SNAP23: variants seen among roughly 807,000 people sequenced by gnomAD.
The protein encoded by SNAP23 is synaptosome associated protein 23, also known as synaptosomal-associated protein 23.
SNAP23 carries 11 observed loss-of-function variants against 29.0 expected under a neutral mutation model. The ratio of observed to expected loss-of-function variants is 0.38; its 90% CI spans 0.24 to 0.63. The LOEUF (loss-of-function observed/expected upper bound fraction) is 0.63, where lower values mean the gene tolerates loss of function less well. SNAP23 is among the 20% of genes least tolerant of loss of function. The pLI, the probability that SNAP23 is intolerant of heterozygous loss-of-function variation, is 0.58. For missense variants in SNAP23, 220 were observed against 253.9 expected (o/e 0.87, Z 0.91); for synonymous variants, 60 against 82.9 (o/e 0.72, Z 1.50).
At chr15:42,514,103 C>G (rs2141528481) in intron 4 of SNAP23, among the ~76,000 whole-genome samples, 1 of 151,066 alleles carries the variant, frequency 6.6e-6, no homozygotes, top group East Asian at 1.9e-4. Flanking sequence ...GTGTGAGCCA[C>G]CGTGCCGGGC....
chr15:42,497,596 T>G (rs1379765871), intron 1 of SNAP23, among the ~76,000 whole-genome samples: 1 of 151,858 alleles, frequency 6.6e-6, no homozygotes, highest in Non-Finnish European at 1.5e-5. Context: ...ACCCACCTCA[T>G]CTTCCCAAGG....
intron 1 of SNAP23, among the ~76,000 whole-genome samples, chr15:42,496,312 CAT>C (rs1440717938): frequency 6.6e-6 from 1 of 151,950 alleles, no homozygotes; most frequent in Non-Finnish European, 1.5e-5. Context: ...AACGTAAAGA[CAT>C]AAAAGTGGGA....
intron 1 of SNAP23, among the ~76,000 whole-genome samples, chr15:42,498,190 C>T (rs1376904152): frequency 6.6e-6 from 1 of 152,214 alleles, no homozygotes; most frequent in African/African-American, 2.4e-5. Context: ...CTCACAGCTC[C>T]ACTAGGCAGT....
intron 1 of SNAP23, among the ~76,000 whole-genome samples, chr15:42,506,029 A>G (rs1363286270): frequency 7.7e-6 from 1 of 129,420 alleles, no homozygotes; most frequent in African/African-American, 2.9e-5. Context: ...AACTGCAACC[A>G]CTCCCTCCCG....
At position 42,532,246 on chromosome 15, in the gene SNAP23, AC is replaced by A. The variant is rs1566822722; in HGVS notation, c.*769del. The A allele has an allele frequency of 6.6e-6, 1 of 152,084 alleles. No individual in the cohort carries two copies. The highest frequency in any genetic ancestry group is 2.4e-5 in the African/African-American group (1 of 41,400). 9.4% of individuals were successfully genotyped at this position (152,084 alleles called of 1,614,324 possible). A position where few individuals can be genotyped will look rare whatever the true frequency, so the allele number is the denominator to read the frequency against. ...GCTGGGATTACAGGCGTGTGTCACCACGCTCGGCTAATTTTTGTATTTTTAG... is the reference window on the plus strand; with the variant it reads ...GCTGGGATTACAGGCGTGTGTCACCAGCTCGGCTAATTTTTGTATTTTTAG... On this transcript the variant is annotated 3_prime_UTR_variant, in exon 8 of 8. Coordinates refer to ENST00000249647, the MANE Select transcript of SNAP23 (RefSeq NM_003825.4).
chr15:42,525,448 C>CTTTTTT (rs1566819532), intron 5 of SNAP23, among the ~76,000 whole-genome samples: 2 of 50,684 alleles, frequency 3.9e-5, no homozygotes, highest in South Asian at 7.7e-4. Context: ...AAGATCCAGT[C>CTTTTTT]TTCTTTTTTT....
chr15:42,528,844 C>T (rs942269112), intron 6 of SNAP23, among the ~76,000 whole-genome samples: 3 of 152,170 alleles, frequency 2.0e-5, no homozygotes, highest in Non-Finnish European at 4.4e-5. Flanking sequence ...CCTCGGCCTC[C>T]CAAAGTGCTG....
intron 5 of SNAP23, among the ~76,000 whole-genome samples, chr15:42,517,120 G>T (rs562715093): frequency 2.6e-5 from 4 of 151,994 alleles, no homozygotes; most frequent in African/African-American, 9.7e-5. Flanking sequence ...GGGTTTCGCC[G>T]TGTTGGCCAG....
chr15:42,508,996 A>G (rs1213267128), intron 1 of SNAP23, among the ~76,000 whole-genome samples: 1 of 151,842 alleles, frequency 6.6e-6, no homozygotes. Context: ...ACTTCAGAGC[A>G]TTACTGCCTG....
intron 5 of SNAP23, among the ~76,000 whole-genome samples, chr15:42,523,909 C>T (rs2057471636): frequency 6.6e-6 from 1 of 152,050 alleles, no homozygotes; most frequent in African/African-American, 2.4e-5. Flanking sequence ...CTCCGCCTTC[C>T]GAGTTCAAGT....
chr15:42,512,882 C>A, intron 2 of SNAP23, 73 bp from the exon 3 acceptor site: 1 of 1,132,622 alleles, frequency 8.8e-7, no homozygotes, highest in Non-Finnish European at 1.3e-6. Context: ...AGAATAGCAT[C>A]ATGAATTTGG....
At chr15:42,528,688 T>C (rs1377714203) in intron 6 of SNAP23, among the ~76,000 whole-genome samples, 1 of 152,050 alleles carries the variant, frequency 6.6e-6, no homozygotes, top group Non-Finnish European at 1.5e-5. Flanking sequence ...CAGGTTCAAG[T>C]TATTCTCCTG....
At position 42,528,450 on chromosome 15, in the gene SNAP23, C is replaced by T. The variant is rs201390803; in HGVS notation, c.425+30C>T. ...GCCAACTCCTCCTGATATTCCTGTA[C>T]CTTTCTTAATGAATGGTTCACTTAG... is the stretch of plus-strand genomic sequence containing the variant. On this transcript the variant is annotated intron_variant, in intron 6 of 7. Coordinates refer to ENST00000249647, the MANE Select transcript of SNAP23 (RefSeq NM_003825.4). 6.8e-6 allele frequency: 11 copies of T among 1,609,324 alleles called. No individual in the cohort carries two copies. The Middle Eastern group carries it at 4.9e-4, about 72-fold the overall frequency.
chr15:42,525,220 T>G (rs1297798049), intron 5 of SNAP23, among the ~76,000 whole-genome samples: 1 of 151,428 alleles, frequency 6.6e-6, no homozygotes, highest in East Asian at 2.0e-4. Flanking sequence ...TACAAAAAAT[T>G]AGCCGGGCGT....
intron 5 of SNAP23, among the ~76,000 whole-genome samples, chr15:42,516,421 C>T (rs1273724852): frequency 3.3e-5 from 5 of 152,184 alleles, no homozygotes; most frequent in African/African-American, 1.2e-4. Context: ...CCTCCGTCTC[C>T]TGGGTTCAAG....
At chr15:42,493,248 G>A (rs1188382504), upstream of SNAP23, among the ~76,000 whole-genome samples, 1 of 152,026 alleles carries the variant, frequency 6.6e-6, no homozygotes, top group Admixed American at 6.6e-5. Flanking sequence ...AGGCTGAGGT[G>A]GGAGGATTTG....
At chr15:42,525,105 C>T (rs564023250) in intron 5 of SNAP23, among the ~76,000 whole-genome samples, 2 of 152,306 alleles carry the variant, frequency 1.3e-5, no homozygotes, top group East Asian at 3.9e-4. Flanking sequence ...CGGTAGCTCA[C>T]TTCTGTAATC....
intron 7 of SNAP23, 24 bp downstream of exon 7, chr15:42,529,843 G>C (rs1177027350): frequency 1.2e-6 from 2 of 1,608,706 alleles, no homozygotes; most frequent in Non-Finnish European, 1.7e-6. Flanking sequence ...ATTGCCACAA[G>C]AAAATGAGAC....
chr15:42,528,144 T>TGCC, intron 5 of SNAP23, 118 bp from the exon 6 acceptor site: 2 of 742,668 alleles, frequency 2.7e-6, no homozygotes, highest in South Asian at 1.7e-5. Flanking sequence ...TAGACTTAGC[T>TGCC]GTATGCAGCT....
Sources: gnomAD v4.1 joint callset for allele counts (sites outside exome capture counted in the v4.1 genomes callset) on GRCh38, gnomAD v4.1.1 for gene constraint, MANE v1.5 for transcripts, NCBI Gene and HGNC (gene_info 2026-07-23, HGNC 2026-07-21) for gene names.